OSBPL5: variants seen among roughly 807,000 people sequenced by gnomAD.
OSBPL5 encodes the protein oxysterol binding protein like 5.
OSBPL5 carries 71 observed loss-of-function variants against 111.2 expected under a neutral mutation model. The ratio of observed to expected loss-of-function variants is 0.64; its 90% CI spans 0.53 to 0.78. OSBPL5 has a LOEUF of 0.78. Ranked by LOEUF, OSBPL5 falls within the 30% of genes least tolerant of loss-of-function variation. OSBPL5 has a pLI of 0.00. For missense variants in OSBPL5, 1,210 were observed against 1,189.3 expected, an observed-to-expected ratio of 1.02 and a Z score of -0.26; for synonymous variants, 549 against 513.9, an observed-to-expected ratio of 1.07 and a Z score of -0.93.
At chr11:3,135,186 G>T (rs1845915898) in intron 1 of OSBPL5, among the ~76,000 whole-genome samples, 1 of 152,250 alleles carries the variant, frequency 6.6e-6, no homozygotes, top group Admixed American at 6.5e-5. Flanking sequence ...GGCCTGGGTG[G>T]GTTCCCCTGA....
intron 1 of OSBPL5, among the ~76,000 whole-genome samples, chr11:3,133,391 T>C (rs1845864326): frequency 6.6e-6 from 1 of 152,176 alleles, no homozygotes; most frequent in Admixed American, 6.5e-5. Context: ...AACTGGGAAA[T>C]GCAAAAGGCC....
chr11:3,100,107 G>T (rs752680202), intron 14 of OSBPL5, 51 bp downstream of exon 14: 1 of 1,539,768 alleles, frequency 6.5e-7, no homozygotes, highest in Admixed American at 1.7e-5. Flanking sequence ...GCATCTAGCT[G>T]CTCTCACAGA....
chr11:3,143,511 AT>A (rs1344694421), intron 1 of OSBPL5, among the ~76,000 whole-genome samples: 1 of 152,198 alleles, frequency 6.6e-6, no homozygotes, highest in Non-Finnish European at 1.5e-5. Context: ...ATGGAAGAAC[AT>A]TCGGCCTTCA....
At chr11:3,089,196 G>C (rs891173982) in intron 21 of OSBPL5, among the ~76,000 whole-genome samples, 2 of 152,202 alleles carry the variant, frequency 1.3e-5, no homozygotes, top group Admixed American at 1.3e-4. Flanking sequence ...CACAGAGCCC[G>C]GGCCTGTGCC....
Position 3,150,881 on chromosome 11 carries a change from G to A in OSBPL5, c.-22+14335C>T, listed in dbSNP as rs148253756. 1.6e-4 allele frequency among the ~76,000 whole-genome samples: 24 copies of A among 152,316 alleles called. No individual in the cohort carries two copies. The East Asian group carries it at 3.5e-3, about 22-fold the overall frequency. On this transcript the variant is annotated intron_variant, in intron 1 of 21. Transcript: ENST00000263650. The stretch of plus-strand genomic sequence containing the variant: ...CACCCCTGGTCTTTCTACAGGTTCC[G>A]ATCCTAGTCCGTCTTCCCAGGAGTC...
chr11:3,128,070 C>T (rs116429834), intron 2 of OSBPL5, among the ~76,000 whole-genome samples: 1,575 of 152,302 alleles, frequency 0.01, 25 homozygotes, highest in African/African-American at 0.036. Flanking sequence ...TTTACCTTGC[C>T]GGGTGTCGAG....
intron 3 of OSBPL5, among the ~76,000 whole-genome samples, chr11:3,125,492 C>T (rs1448682140): frequency 6.6e-6 from 1 of 152,210 alleles, no homozygotes; most frequent in Non-Finnish European, 1.5e-5. Context: ...TGAGATGCTA[C>T]TTCATACCCG....
chr11:3,139,805 C>T (rs1258629634), intron 1 of OSBPL5, among the ~76,000 whole-genome samples: 1 of 152,248 alleles, frequency 6.6e-6, no homozygotes, highest in Non-Finnish European at 1.5e-5. Flanking sequence ...CCAGCCTTCC[C>T]TGCTGGAGTC....
rs976191146 is a variant in OSBPL5, at chr11:3,109,729, G to A, written c.692-1784C>T. On this transcript the variant is annotated intron_variant, in intron 7 of 21. Transcript: ENST00000263650. The surrounding 1 kb of genome is among the most constrained non-coding windows in gnomAD (Gnocchi z 7.4). ...CACCAGGGTTGGGGGAGGGATGGCAGTGGATGGTGGTGGGGAGCTGGAGGG... is the reference window on the plus strand; with the variant it reads ...CACCAGGGTTGGGGGAGGGATGGCAATGGATGGTGGTGGGGAGCTGGAGGG... 1.3e-5 allele frequency among the ~76,000 whole-genome samples: 2 copies of A among 152,186 alleles called. No homozygotes were observed. Among genetic ancestry groups the A allele is most frequent in the African/African-American group, 4.8e-5 (2 of 41,436 alleles).
intron 1 of OSBPL5, among the ~76,000 whole-genome samples, chr11:3,150,991 C>T (rs772499373): frequency 1.3e-5 from 2 of 152,150 alleles, no homozygotes; most frequent in African/African-American, 2.4e-5. Flanking sequence ...CAAGTCCTAA[C>T]CTCAGTACCT....
intron 14 of OSBPL5, among the ~76,000 whole-genome samples, chr11:3,097,558 T>C (rs915782563): frequency 1.3e-5 from 2 of 152,198 alleles, no homozygotes. Context: ...ACTAGCAAAT[T>C]AGAATCCCAA....
intron 13 of OSBPL5, 124 bp from the exon 14 acceptor site, chr11:3,100,380 G>C (rs936930060): frequency 1.3e-6 from 1 of 772,616 alleles, no homozygotes; most frequent in Non-Finnish European, 2.2e-6. Flanking sequence ...ACTTCCAGTG[G>C]TGTGTCTGTG....
Position 3,104,489 on chromosome 11 carries a change from T to G in OSBPL5, c.1060-112A>C, listed in dbSNP as rs4758525. 8.4e-7 allele frequency: 1 copy of G among 1,191,082 alleles called. No homozygotes were observed. Among genetic ancestry groups the G allele is most frequent in the East Asian group, 2.6e-5 (1 of 39,118 alleles). The allele number at this position is 1,191,082 out of a possible 1,614,324, so 73.8% of individuals were successfully genotyped here. On this transcript the variant is annotated intron_variant, in intron 9 of 21. Transcript: ENST00000263650. The surrounding 1 kb of genome is among the most constrained non-coding windows in gnomAD (Gnocchi z 5.0). ...GCTGTACCTGCCACCCCTTAGGGTG[T>G]AAACCCCTGACCTGGCCTCCATGGC...
At chr11:3,125,449 A>T (rs1858577427) in intron 3 of OSBPL5, among the ~76,000 whole-genome samples, 1 of 152,228 alleles carries the variant, frequency 6.6e-6, no homozygotes, top group Non-Finnish European at 1.5e-5. Flanking sequence ...GTTCAATGTT[A>T]TCCGTCATTA....
chr11:3,089,708 C>T, intron 21 of OSBPL5, 138 bp downstream of exon 21: 1 of 750,392 alleles, frequency 1.3e-6, no homozygotes, highest in Non-Finnish European at 2.3e-6. Context: ...TTTCATCACC[C>T]TGCAGGTCTT....
At chr11:3,111,739 AAAG>A (rs970334795) in intron 7 of OSBPL5, among the ~76,000 whole-genome samples, 3 of 152,070 alleles carry the variant, frequency 2.0e-5, no homozygotes, top group Admixed American at 2.0e-4. Context: ...AGGAAAAAAA[AAAG>A]AGGAAAGATT....
rs55714282 is a variant in OSBPL5 at position 3,140,183 on chromosome 11, A to C, written c.-21-11014T>G. On this transcript the variant is annotated intron_variant, in intron 1 of 21. Coordinates refer to ENST00000263650, the MANE Select transcript of OSBPL5 (RefSeq NM_020896.4). The surrounding 1 kb of genome is among the most constrained non-coding windows in gnomAD (Gnocchi z 4.5). ...TCTCGGGCTGTATTAACAGAGGTTG[A>C]GTCCTCAGAAGGAGGGAGGGGATAA... is the stretch of plus-strand genomic sequence containing the variant. Among the ~76,000 whole-genome samples, 2,031 of 152,358 alleles carry C rather than the reference A, an allele frequency of 0.013. 18 individuals are homozygous for C. Among genetic ancestry groups the C allele is most frequent in the South Asian group, 0.029 (139 of 4,830 alleles).
intron 20 of OSBPL5, among the ~76,000 whole-genome samples, chr11:3,090,225 G>A (rs903499557): frequency 1.3e-4 from 20 of 152,256 alleles, no homozygotes; most frequent in Non-Finnish European, 1.5e-5. Flanking sequence ...CAGGGACAAA[G>A]TTGGGGAGAC....
At chr11:3,108,710 C>T (rs1233661568) in intron 7 of OSBPL5, among the ~76,000 whole-genome samples, 1 of 152,188 alleles carries the variant, frequency 6.6e-6, no homozygotes, top group East Asian at 1.9e-4. Flanking sequence ...TAACAGCGGC[C>T]CCCGCACTCA....
Sources: gnomAD v4.1 joint callset for allele counts (sites outside exome capture counted in the v4.1 genomes callset) on GRCh38, gnomAD v4.1.1 for gene constraint, Gnocchi (gnomAD v3.1) non-coding constraint, MANE v1.5 for transcripts, NCBI Gene and HGNC (gene_info 2026-07-23, HGNC 2026-07-21) for gene names.